ADARB1: variants seen among roughly 807,000 people sequenced by gnomAD.
The protein encoded by ADARB1 is adenosine deaminase RNA specific B1.
In ADARB1, 10 loss-of-function variants were observed where a neutral mutation model predicts 52.4. The ratio of observed to expected loss-of-function variants is 0.19; its 90% CI spans 0.12 to 0.32. The LOEUF is 0.32. Ranked by LOEUF, ADARB1 falls within the 10% of genes least tolerant of loss-of-function variation. The pLI, the probability that ADARB1 is intolerant of heterozygous loss-of-function variation, is 1.00. For synonymous variants in ADARB1, 349 were observed against 371.1 expected, an observed-to-expected ratio of 0.94 and a Z score of 0.68; for missense variants, 643 against 922.3, an observed-to-expected ratio of 0.70 and a Z score of 3.92.
Position 45,225,497 on chromosome 21 carries a change from A to G in ADARB1, c.*3300A>G, listed in dbSNP as rs1271793063. 19 of 1,316,072 alleles carry G rather than the reference A, an allele frequency of 1.4e-5. No homozygotes were observed. The highest frequency in any genetic ancestry group is 1.9e-5 in the Non-Finnish European group (19 of 1,022,958). The allele number at this position is 1,316,072 out of a possible 1,614,324, so 81.5% of individuals were successfully genotyped here. ...ACCATATTTATCTCCAGGCTGTGGA[A>G]TCGCCACTTTCTTTGTGAAGACAGT... On this transcript the variant is annotated 3_prime_UTR_variant, in exon 11 of 11. Transcript: ENST00000348831.
chr21:45,103,849 C>G (rs775800071), intron 1 of ADARB1, among the ~76,000 whole-genome samples: 15 of 152,058 alleles, frequency 9.9e-5, no homozygotes, highest in Non-Finnish European at 4.4e-5. Context: ...TTCAAAAACA[C>G]TTTTTTGTGT....
intron 8 of ADARB1, among the ~76,000 whole-genome samples, chr21:45,196,526 A>G (rs8130224): frequency 0.68 from 103,841 of 152,148 alleles, 35,895 homozygotes; most frequent in African/African-American, 0.8. Context: ...TCTTTCAAAA[A>G]GCACTGTTTA....
chr21:45,144,702 G>A (rs1206873143), intron 2 of ADARB1: 1 of 445,494 alleles, frequency 2.2e-6, no homozygotes, highest in Non-Finnish European at 4.5e-6. Flanking sequence ...TTCAACTCTG[G>A]TAACTTCATG....
chr21:45,076,939 G>C (rs1196553904), intron 1 of ADARB1, among the ~76,000 whole-genome samples: 1 of 152,172 alleles, frequency 6.6e-6, no homozygotes, highest in African/African-American at 2.4e-5. Context: ...TGTATTGATA[G>C]ATTTAAAAAG....
Position 45,221,278 on chromosome 21 carries a change from C to T in ADARB1, c.1926+264C>T, listed in dbSNP as rs113381845. Among the ~76,000 whole-genome samples the T allele has an allele frequency of 1.3e-5, 2 of 152,320 alleles. No individual in the cohort carries two copies. Among genetic ancestry groups the T allele is most frequent in the African/African-American group, 4.8e-5 (2 of 41,580 alleles). ...GCCAGGCCACTGTGTGTGGTGGAAACGTCTCTTACTCTCAGATATTGAAAG... is the reference window on the plus strand; with the variant it reads ...GCCAGGCCACTGTGTGTGGTGGAAATGTCTCTTACTCTCAGATATTGAAAG... On this transcript the variant is annotated intron_variant, in intron 10 of 10. Coordinates refer to ENST00000348831, the MANE Select transcript of ADARB1 (RefSeq NM_001112.4). The surrounding 1 kb of genome is among the most constrained non-coding windows in gnomAD (Gnocchi z 4.9).
At chr21:45,120,914 A>G (rs1363473684) in intron 1 of ADARB1, 2 of 152,242 alleles carry the variant, frequency 1.3e-5, no homozygotes, top group Non-Finnish European at 2.9e-5. Context: ...GTCGCTGTTC[A>G]GTGCGTTGAT....
intron 1 of ADARB1, among the ~76,000 whole-genome samples, chr21:45,076,555 C>T (rs929976550): frequency 6.6e-6 from 1 of 152,170 alleles, no homozygotes; most frequent in African/African-American, 2.4e-5. Context: ...ATAATCGATC[C>T]AGCTCTGAGA....
In ADARB1 at chr21:45,224,992, C is replaced by G. The variant is rs1259068710; in HGVS notation, c.*2795C>G. On this transcript the variant is annotated 3_prime_UTR_variant, in exon 11 of 11. Coordinates refer to ENST00000348831, the MANE Select transcript of ADARB1 (RefSeq NM_001112.4). The stretch of plus-strand genomic sequence containing the variant: ...TAGAGACTTAGCAGAAAATTCGACA[C>G]AAGCAGGAACTTGATTTTTTAAGAA... 5.1e-6 allele frequency: 5 copies of G among 985,278 alleles called. No individual in the cohort carries two copies. Among genetic ancestry groups the G allele is most frequent in the Non-Finnish European group, 6.0e-6 (5 of 829,938 alleles). The allele number at this position is 985,278 out of a possible 1,614,324, so 61.0% of individuals were successfully genotyped here. A position where few individuals can be genotyped will look rare whatever the true frequency, so the allele number is the denominator to read the frequency against.
chr21:45,085,868 G>A (rs767315932), intron 1 of ADARB1, among the ~76,000 whole-genome samples: 8 of 152,186 alleles, frequency 5.3e-5, no homozygotes, highest in Non-Finnish European at 7.4e-5. Context: ...TGCCTCTCAC[G>A]CAGAACTGAC....
chr21:45,131,551 G>C (rs1287845069), intron 2 of ADARB1, among the ~76,000 whole-genome samples: 2 of 152,198 alleles, frequency 1.3e-5, no homozygotes, highest in Non-Finnish European at 2.9e-5. Context: ...GTTTAGGAGT[G>C]CCCATGTCAC....
rs1019150303 is a variant in ADARB1 at position 45,224,253 on chromosome 21, G to A, written c.*2056G>A. On this transcript the variant is annotated 3_prime_UTR_variant, in exon 11 of 11. Coordinates refer to ENST00000348831, the MANE Select transcript of ADARB1 (RefSeq NM_001112.4). ...ATTCCATATACATACAAAACTACCC[G>A]GTATGTCTGGCTTTTCCCTTCTGTC... is the stretch of plus-strand genomic sequence containing the variant. The A allele has an allele frequency of 1.9e-4, 188 of 985,424 alleles. No individual in the cohort carries two copies. Among genetic ancestry groups the A allele is most frequent in the East Asian group, 3.4e-4 (3 of 8,798 alleles). The allele number at this position is 985,424 out of a possible 1,614,324, so 61.0% of individuals were successfully genotyped here.
At chr21:45,201,205 CTG>C (rs753765144) in intron 8 of ADARB1, among the ~76,000 whole-genome samples, 10 of 152,198 alleles carry the variant, frequency 6.6e-5, no homozygotes, top group Admixed American at 5.9e-4. Flanking sequence ...TGGACGCTGA[CTG>C]TGTCTGACAC....
At position 45,223,302 on chromosome 21, in the gene ADARB1, C is replaced by T. The variant is rs1250539832; in HGVS notation, c.*1105C>T. Reference sequence around the variant, plus strand: ...ATCCAAGTGAGAGCTGGTGAGACCACGTGCTGCTGGCGTAGTGTAGGCCAG... The same window carrying T: ...ATCCAAGTGAGAGCTGGTGAGACCATGTGCTGCTGGCGTAGTGTAGGCCAG... On this transcript the variant is annotated 3_prime_UTR_variant, in exon 11 of 11. Transcript: ENST00000348831. 22 of 985,370 alleles carry T rather than the reference C, an allele frequency of 2.2e-5. No homozygotes were observed. The East Asian group carries it at 4.5e-4, about 20-fold the overall frequency. The allele number at this position is 985,370 out of a possible 1,614,324, so 61.0% of individuals were successfully genotyped here.
At chr21:45,210,103 GGAGA>G (rs1211549414) in intron 9 of ADARB1, among the ~76,000 whole-genome samples, 1 of 152,192 alleles carries the variant, frequency 6.6e-6, no homozygotes, top group African/African-American at 2.4e-5. Flanking sequence ...CTCCTTTCTG[GGAGA>G]GTGACTCCAT....
intron 8 of ADARB1, among the ~76,000 whole-genome samples, chr21:45,190,335 G>T (rs1157100483): frequency 1.3e-5 from 2 of 151,970 alleles, no homozygotes; most frequent in Non-Finnish European, 2.9e-5. Context: ...TTTTGTTCTT[G>T]CTAAGTTTTT....
intron 2 of ADARB1, chr21:45,152,685 G>T (rs750752087): frequency 6.7e-6 from 3 of 446,146 alleles, no homozygotes; most frequent in Non-Finnish European, 1.4e-5. Flanking sequence ...AAAAGGAGGC[G>T]CAAGAAGCGC....
Position 45,220,781 on chromosome 21 carries a change from C to T in ADARB1, c.1748-55C>T, listed in dbSNP as rs2092950355. 6.3e-7 allele frequency: 1 copy of T among 1,589,026 alleles called. No individual in the cohort carries two copies. The highest frequency in any genetic ancestry group is 8.6e-7 in the Non-Finnish European group (1 of 1,163,180). On this transcript the variant is annotated intron_variant, in intron 9 of 10. Transcript: ENST00000348831. This position sits in a 1 kb window ranked among gnomAD's most constrained non-coding sequence, Gnocchi z 6.3. ...CACAGTGTGCCGCCCGTGGCTGCTCCCTCCCTGGGGGTGAAAGCGGGCTTC... is the reference window on the plus strand; with the variant it reads ...CACAGTGTGCCGCCCGTGGCTGCTCTCTCCCTGGGGGTGAAAGCGGGCTTC...
At chr21:45,107,537 A>G (rs1455339254) in intron 1 of ADARB1, among the ~76,000 whole-genome samples, 1 of 152,258 alleles carries the variant, frequency 6.6e-6, no homozygotes, top group Non-Finnish European at 1.5e-5. Flanking sequence ...AAATAAGCCC[A>G]TATATAGATG....
intron 1 of ADARB1, among the ~76,000 whole-genome samples, chr21:45,091,032 A>T (rs1298672556): frequency 6.6e-6 from 1 of 152,268 alleles, no homozygotes; most frequent in Non-Finnish European, 1.5e-5. Context: ...AACTTCATAT[A>T]AACTGACATT....
Sources: allele counts gnomAD v4.1 joint callset (sites outside exome capture counted in the v4.1 genomes callset), GRCh38; gene constraint gnomAD v4.1.1; non-coding constraint Gnocchi (gnomAD v3.1); transcripts MANE v1.5; gene names NCBI Gene and HGNC (gene_info 2026-07-23, HGNC 2026-07-21).